The following PCDHGA10 variants were observed in gnomAD, a reference collection of about 807,000 sequenced individuals.
The protein encoded by PCDHGA10 is protocadherin gamma-A10.
A neutral mutation model predicts 59.5 loss-of-function variants in PCDHGA10; 42 were observed. The ratio of observed to expected loss-of-function variants is 0.71; its 90% CI spans 0.55 to 0.91. The LOEUF is 0.91. Ranked by LOEUF, PCDHGA10 falls within the 40% of genes least tolerant of loss-of-function variation. The probability of loss-of-function intolerance (pLI) is 0.00; values close to 1 mark genes in which losing one functional copy is unlikely to be tolerated. For synonymous variants in PCDHGA10, 511 were observed against 517.2 expected (o/e 0.99, Z 0.16); for missense variants, 1,111 against 1,198.2 (o/e 0.93, Z 1.07).
At position 141,486,837 on chromosome 5, in the gene PCDHGA10, T is replaced by G; in HGVS notation, c.2437-7970T>G. The G allele has an allele frequency of 6.2e-7, 1 of 1,614,256 alleles. No individual in the cohort carries two copies. The highest frequency in any genetic ancestry group is 8.5e-7 in the Non-Finnish European group (1 of 1,180,044). ...AGCACTGTAACAGTTCGTCTATTTG[T>G]GCTGGACCTCAATGACAATGCTCCA... On this transcript the variant is annotated intron_variant, in intron 1 of 3. Transcript: ENST00000398610. The surrounding 1 kb of genome is among the most constrained non-coding windows in gnomAD (Gnocchi z 5.0).
At chr5:141,422,375 TCTC>T in intron 1 of PCDHGA10, 1 of 1,570,814 alleles carries the variant, frequency 6.4e-7, no homozygotes, top group Non-Finnish European at 8.6e-7. Context: ...AATGGTCAAG[TCTC>T]CTGTTTTATT....
intron 2 of PCDHGA10, among the ~76,000 whole-genome samples, chr5:141,501,802 C>T (rs2099811151): frequency 1.3e-5 from 2 of 152,154 alleles, no homozygotes; most frequent in Non-Finnish European, 2.9e-5. Context: ...ATCTCTTACC[C>T]AGCTTCACAT....
Position 141,415,580 on chromosome 5 carries a change from A to C in PCDHGA10, c.2405A>C (p.Lys802Thr), listed in dbSNP as rs773634634. The C allele has an allele frequency of 4.3e-6, 7 of 1,613,976 alleles. No individual in the cohort carries two copies. The Admixed American group carries it at 1.2e-4, about 27-fold the overall frequency. Reference sequence around the variant, plus strand: ...CCTTTGTCTTTGTTAGATGATTCGAAGTTTCCTATAGAGGATACCCCATTG... The same window carrying C: ...CCTTTGTCTTTGTTAGATGATTCGACGTTTCCTATAGAGGATACCCCATTG... ...NDPLSLLDDSKFPIEDTPLVP... is the reference protein window; with the variant it reads ...NDPLSLLDDSTFPIEDTPLVP... The change falls in exon 1 of 4, where the codon AAG becomes ACG. Residue 802 changes from lysine (K) to threonine (T), a missense_variant. Lys to Thr is a moderately conservative substitution (Grantham distance 78, BLOSUM62 -1). Transcript: ENST00000398610.
Position 141,485,183 on chromosome 5 carries a change from A to C in PCDHGA10, c.2437-9624A>C, listed in dbSNP as rs777796801. On this transcript the variant is annotated intron_variant, in intron 1 of 3. Transcript: ENST00000398610. This position sits in a 1 kb window ranked among gnomAD's most constrained non-coding sequence, Gnocchi z 5.7. ...TTAGCGGGCGGCAGCAATGCTCCGC[A>C]AGGTGAGAAGCTGGACAGAAATCTG... 1.9e-6 allele frequency: 3 copies of C among 1,613,248 alleles called. No individual in the cohort carries two copies. The highest frequency in any genetic ancestry group is 3.3e-5 in the Admixed American group (2 of 60,006).
In PCDHGA10 at chr5:141,493,269, C is replaced by T. The variant is rs142898207; in HGVS notation, c.2437-1538C>T. ...ACATGCCTCTCTTATAACAGCTTCA[C>T]AGAGGTCAAGTGACTTGCTCAAGTT... is the stretch of plus-strand genomic sequence containing the variant. On this transcript the variant is annotated intron_variant, in intron 1 of 3. Coordinates refer to ENST00000398610, the MANE Select transcript of PCDHGA10 (RefSeq NM_018913.3). This position sits in a 1 kb window ranked among gnomAD's most constrained non-coding sequence, Gnocchi z 4.3. Among the ~76,000 whole-genome samples the T allele has an allele frequency of 1.3e-5, 2 of 152,322 alleles. No individual in the cohort carries two copies. The highest frequency in any genetic ancestry group is 4.8e-5 in the African/African-American group (2 of 41,570).
intron 2 of PCDHGA10, among the ~76,000 whole-genome samples, chr5:141,500,259 A>G (rs1595658540): frequency 6.6e-6 from 1 of 151,044 alleles, no homozygotes; most frequent in East Asian, 2.0e-4. Context: ...CCCAGGCTGG[A>G]CTGCAGTGGC....
chr5:141,423,058 A>T (rs1235938743), intron 1 of PCDHGA10: 1 of 1,614,022 alleles, frequency 6.2e-7, no homozygotes, highest in Non-Finnish European at 8.5e-7. Context: ...TCGCCTGCTT[A>T]AGGCCAGCGA....
In PCDHGA10 at chr5:141,502,866, C is replaced by CT. The variant is rs549047197; in HGVS notation, c.2496-2513dup. ...GAGCTGCCTAACCCTGACTCTCTGT[C>CT]TTTTTTTTTTTTTTGACAGGGAGTC... On this transcript the variant is annotated intron_variant, in intron 2 of 3. Transcript: ENST00000398610. Among the ~76,000 whole-genome samples, 1,216 of 127,988 alleles carry CT rather than the reference C, an allele frequency of 9.5e-3. 34 individuals are homozygous for CT. Among genetic ancestry groups the CT allele is most frequent in the Non-Finnish European group, 0.015 (955 of 62,394 alleles). The allele number at this position is 127,988 out of a possible 152,430, so 84.0% of individuals were successfully genotyped here.
Position 141,476,160 on chromosome 5 carries a change from G to A in PCDHGA10, c.2437-18647G>A, listed in dbSNP as rs781765205. 4.3e-6 allele frequency: 7 copies of A among 1,612,858 alleles called. No homozygotes were observed. The highest frequency in any genetic ancestry group is 5.9e-6 in the Non-Finnish European group (7 of 1,179,926). On this transcript the variant is annotated intron_variant, in intron 1 of 3. Coordinates refer to ENST00000398610, the MANE Select transcript of PCDHGA10 (RefSeq NM_018913.3). This position sits in a 1 kb window ranked among gnomAD's most constrained non-coding sequence, Gnocchi z 7.6. ...AGGAGCGGACTGGTAAGCACCGGGA[G>A]GGTAGTGGGAGTTTTGCTTCTGCTT...
intron 1 of PCDHGA10, chr5:141,427,864 A>G: frequency 6.4e-7 from 1 of 1,557,574 alleles, no homozygotes; most frequent in Non-Finnish European, 8.8e-7. Flanking sequence ...TGCGCCTTCG[A>G]GCTCACGATG....
intron 3 of PCDHGA10, among the ~76,000 whole-genome samples, chr5:141,509,722 C>A (rs919655821): frequency 5.9e-5 from 9 of 152,140 alleles, no homozygotes; most frequent in African/African-American, 2.2e-4. Flanking sequence ...CTGATGTCAC[C>A]TAGCTGTGGC....
chr5:141,464,273 A>G (rs1330533734), intron 1 of PCDHGA10, among the ~76,000 whole-genome samples: 1 of 136,736 alleles, frequency 7.3e-6, no homozygotes, highest in African/African-American at 3.0e-5. Context: ...TAAAAAAAAA[A>G]AAAAGCAAAA....
At chr5:141,473,682 G>A (rs2099326903) in intron 1 of PCDHGA10, among the ~76,000 whole-genome samples, 1 of 152,186 alleles carries the variant, frequency 6.6e-6, no homozygotes, top group Admixed American at 6.5e-5. Context: ...GGGAAGGGCT[G>A]GGGTTCTGAC....
At position 141,454,263 on chromosome 5, in the gene PCDHGA10, T is replaced by C. The variant is rs954231508; in HGVS notation, c.2436+38652T>C. Among the ~76,000 whole-genome samples, 42 of 152,140 alleles carry C rather than the reference T, an allele frequency of 2.8e-4. 1 individual carries two copies. Among genetic ancestry groups the C allele is most frequent in the South Asian group, 1.0e-3 (5 of 4,826 alleles). On this transcript the variant is annotated intron_variant, in intron 1 of 3. Coordinates refer to ENST00000398610, the MANE Select transcript of PCDHGA10 (RefSeq NM_018913.3). Reference sequence around the variant, plus strand: ...GATGAAGATGTCCCAGAGAAAGTAATGCCAGCAAAAACTTCACATTAAAGG... The same window carrying C: ...GATGAAGATGTCCCAGAGAAAGTAACGCCAGCAAAAACTTCACATTAAAGG...
chr5:141,433,837 CAAA>C (rs56191208), intron 1 of PCDHGA10, among the ~76,000 whole-genome samples: 5 of 111,684 alleles, frequency 4.5e-5, no homozygotes, highest in Admixed American at 2.0e-4. Flanking sequence ...AACTCTATCT[CAAA>C]AAAAAAAAAA....
rs1460389320 is a variant in PCDHGA10 at position 141,490,134 on chromosome 5, C to T, written c.2437-4673C>T. The T allele has an allele frequency of 2.5e-6, 4 of 1,614,114 alleles. No homozygotes were observed. Among genetic ancestry groups the T allele is most frequent in the Admixed American group, 3.3e-5 (2 of 59,998 alleles). ...GGAACCTCTTTGGCCTAGACCCTAG[C>T]AGTGGGGCAATCCATGTGTTGGGTC... On this transcript the variant is annotated intron_variant, in intron 1 of 3. Coordinates refer to ENST00000398610, the MANE Select transcript of PCDHGA10 (RefSeq NM_018913.3). This position sits in a 1 kb window ranked among gnomAD's most constrained non-coding sequence, Gnocchi z 5.4.
intron 1 of PCDHGA10, chr5:141,421,816 C>T (rs981400135): frequency 1.2e-5 from 19 of 1,613,696 alleles, no homozygotes; most frequent in Non-Finnish European, 1.4e-5. Context: ...AGAGCTAGTA[C>T]TGGAGGGAAG....
rs1240258760 is a variant in PCDHGA10 at position 141,423,933 on chromosome 5, GAAGT to G, written c.2436+8327_2436+8330del. On this transcript the variant is annotated intron_variant, in intron 1 of 3. Coordinates refer to ENST00000398610, the MANE Select transcript of PCDHGA10 (RefSeq NM_018913.3). The stretch of plus-strand genomic sequence containing the variant: ...CCATTCAACTATGCTGGTTTGGTTT[GAAGT>G]AAGTTGAATTTTAGTATTATTTTTC... 5 of 1,226,500 alleles carry G rather than the reference GAAGT, an allele frequency of 4.1e-6. No homozygotes were observed. The African/African-American group carries it at 7.9e-5, about 19-fold the overall frequency. The allele number at this position is 1,226,500 out of a possible 1,614,324, so 76.0% of individuals were successfully genotyped here. A position where few individuals can be genotyped will look rare whatever the true frequency, so the allele number is the denominator to read the frequency against.
chr5:141,441,364 CGT>C (rs1283671958), intron 1 of PCDHGA10: 1 of 152,528 alleles, frequency 6.6e-6, no homozygotes, highest in African/African-American at 2.4e-5. Context: ...CAAATGGGGC[CGT>C]GGACCAGGAA....
Sources: allele counts gnomAD v4.1 joint callset (sites outside exome capture counted in the v4.1 genomes callset), GRCh38; gene constraint gnomAD v4.1.1; non-coding constraint Gnocchi (gnomAD v3.1); transcripts MANE v1.5; gene names NCBI Gene and HGNC (gene_info 2026-07-23, HGNC 2026-07-21).